The following LRRTM4 variants were observed in gnomAD, a reference collection of about 807,000 sequenced individuals.
LRRTM4 encodes the protein leucine rich repeat transmembrane neuronal 4.
LRRTM4 carries 25 observed loss-of-function variants against 47.6 expected under a neutral mutation model. The ratio of observed to expected loss-of-function variants is 0.53; its 90% CI spans 0.38 to 0.73. LRRTM4 has a LOEUF of 0.73. Among genes scored for constraint, LRRTM4 ranks in the 30% least tolerant of loss-of-function variants. LRRTM4 has a pLI of 0.00. For missense variants in LRRTM4, 638 were observed against 713.4 expected (o/e 0.89, Z 1.20); for synonymous variants, 311 against 269.5 (o/e 1.15, Z -1.51).
intron 3 of LRRTM4, among the ~76,000 whole-genome samples, chr2:76,843,319 C>T (rs1226294873): frequency 6.6e-6 from 1 of 152,034 alleles, no homozygotes; most frequent in Non-Finnish European, 1.5e-5. Context: ...ATGTATATTC[C>T]AAAAATATTT....
At chr2:76,838,948 T>G (rs1210441981) in intron 3 of LRRTM4, among the ~76,000 whole-genome samples, 1 of 152,144 alleles carries the variant, frequency 6.6e-6, no homozygotes, top group Non-Finnish European at 1.5e-5. Flanking sequence ...CATAATAATT[T>G]TGTATTTACT....
intron 3 of LRRTM4, among the ~76,000 whole-genome samples, chr2:77,443,837 G>A (rs1160423450): frequency 2.0e-5 from 3 of 152,034 alleles, no homozygotes; most frequent in Non-Finnish European, 4.4e-5. Context: ...TCACCAAACT[G>A]ATTTATATCT....
intron 3 of LRRTM4, among the ~76,000 whole-genome samples, chr2:77,292,553 T>C (rs1335492202): frequency 6.6e-6 from 1 of 151,954 alleles, no homozygotes; most frequent in East Asian, 1.9e-4. Context: ...TGTAGGGACA[T>C]GGATGAAATT....
At chr2:76,947,453 G>A (rs1226135699) in intron 3 of LRRTM4, among the ~76,000 whole-genome samples, 1 of 151,744 alleles carries the variant, frequency 6.6e-6, no homozygotes, top group Non-Finnish European at 1.5e-5. Flanking sequence ...AATAATGTGG[G>A]AATAATGAAT....
At position 77,273,443 on chromosome 2, in the gene LRRTM4, G is replaced by A. The variant is rs73943812; in HGVS notation, c.1551+244875C>T. ...TTAATGTAATTCTGTTTTTATTTTA[G>A]TATGAATTTAGCACAAGGAAGAGTA... On this transcript the variant is annotated intron_variant, in intron 3 of 3. Coordinates refer to ENST00000409884, the MANE Select transcript of LRRTM4 (RefSeq NM_001134745.3). 3.1e-3 allele frequency among the ~76,000 whole-genome samples: 465 copies of A among 152,010 alleles called. 2 individuals carry two copies. The highest frequency in any genetic ancestry group is 0.011 in the African/African-American group (441 of 41,486).
At chr2:76,752,284 G>T (rs1672876941) in intron 3 of LRRTM4, among the ~76,000 whole-genome samples, 1 of 152,084 alleles carries the variant, frequency 6.6e-6, no homozygotes, top group African/African-American at 2.4e-5. Context: ...AACTATAGTG[G>T]GAGATAACAA....
chr2:77,048,887 G>A (rs1234737826), intron 3 of LRRTM4, among the ~76,000 whole-genome samples: 1 of 151,236 alleles, frequency 6.6e-6, no homozygotes, highest in Admixed American at 6.6e-5. Context: ...CTGTAATTTA[G>A]TATCCTTTAA....
Position 77,307,026 on chromosome 2 carries a change from C to T in LRRTM4, c.1551+211292G>A, listed in dbSNP as rs187554409. ...ACCATTCTCCTGCCTCAGCCTCCCG[C>T]GTAGCTGGGACTACAGGCGCCCACC... On this transcript the variant is annotated intron_variant, in intron 3 of 3. Transcript: ENST00000409884. 2.0e-5 allele frequency among the ~76,000 whole-genome samples: 3 copies of T among 150,132 alleles called. No homozygotes were observed. In the South Asian group the frequency reaches 6.3e-4, roughly 32 times the overall value.
rs181829604 is a variant in LRRTM4 at position 76,970,369 on chromosome 2, T to C, written c.1552-221453A>G. The stretch of plus-strand genomic sequence containing the variant: ...TTCCCCTGGCATCCATGGCAACTAA[T>C]AGTACTGTGAATAGTGAAAAAATCA... On this transcript the variant is annotated intron_variant, in intron 3 of 3. Transcript: ENST00000409884. Among the ~76,000 whole-genome samples, 20 of 152,130 alleles carry C rather than the reference T, an allele frequency of 1.3e-4. No individual in the cohort carries two copies. The East Asian group carries it at 2.7e-3, about 21-fold the overall frequency.
intron 3 of LRRTM4, among the ~76,000 whole-genome samples, chr2:76,766,867 C>T (rs541096286): frequency 2.5e-4 from 38 of 152,064 alleles, no homozygotes; most frequent in African/African-American, 8.2e-4. Context: ...CCTGTTACCC[C>T]CAAGGAAAAA....
intron 3 of LRRTM4, among the ~76,000 whole-genome samples, chr2:77,436,885 T>A (rs1298939293): frequency 6.6e-6 from 1 of 151,924 alleles, no homozygotes; most frequent in Non-Finnish European, 1.5e-5. Flanking sequence ...AGATTTAATA[T>A]AACCCACAGT....
At chr2:77,459,563 T>C (rs1162761289) in intron 3 of LRRTM4, among the ~76,000 whole-genome samples, 1 of 151,960 alleles carries the variant, frequency 6.6e-6, no homozygotes, top group East Asian at 1.9e-4. Context: ...TACTATAAAA[T>C]ATTGGTCCCT....
At chr2:76,851,986 G>A (rs1231321689) in intron 3 of LRRTM4, among the ~76,000 whole-genome samples, 1 of 151,940 alleles carries the variant, frequency 6.6e-6, no homozygotes, top group Non-Finnish European at 1.5e-5. Flanking sequence ...TTTACATAAC[G>A]TTGAATCATA....
intron 3 of LRRTM4, among the ~76,000 whole-genome samples, chr2:77,405,180 T>C (rs886238061): frequency 2.0e-5 from 3 of 152,114 alleles, no homozygotes; most frequent in Non-Finnish European, 4.4e-5. Context: ...CTTCCACTTA[T>C]CAGTCTCACT....
chr2:76,989,064 G>A (rs1558781461), intron 3 of LRRTM4, among the ~76,000 whole-genome samples: 1 of 151,688 alleles, frequency 6.6e-6, no homozygotes, highest in Non-Finnish European at 1.5e-5. Context: ...CAATTTCAAT[G>A]CTTCTCAAAT....
intron 3 of LRRTM4, among the ~76,000 whole-genome samples, chr2:77,076,835 G>A (rs893562546): frequency 6.6e-6 from 1 of 152,166 alleles, no homozygotes; most frequent in Non-Finnish European, 1.5e-5. Context: ...AACAGAAACT[G>A]TGAGTGCTAC....
intron 3 of LRRTM4, among the ~76,000 whole-genome samples, chr2:77,410,810 T>C (rs75608348): frequency 0.016 from 2,441 of 152,296 alleles, 50 homozygotes; most frequent in African/African-American, 0.052. Flanking sequence ...CTCTGGAGGA[T>C]AGCCTGGGTC....
At chr2:77,465,773 T>C (rs949430440) in intron 3 of LRRTM4, among the ~76,000 whole-genome samples, 3 of 152,190 alleles carry the variant, frequency 2.0e-5, no homozygotes, top group Admixed American at 6.6e-5. Context: ...CAGAATACAA[T>C]GGTTGCAAAG....
chr2:77,201,487 T>C (rs1239235118), intron 3 of LRRTM4, among the ~76,000 whole-genome samples: 1 of 152,098 alleles, frequency 6.6e-6, no homozygotes, highest in Non-Finnish European at 1.5e-5. Flanking sequence ...TTAAAAACAA[T>C]AGTTTGGTTG....
Sources: gnomAD v4.1 joint callset for allele counts (sites outside exome capture counted in the v4.1 genomes callset) on GRCh38, gnomAD v4.1.1 for gene constraint, MANE v1.5 for transcripts, NCBI Gene and HGNC (gene_info 2026-07-23, HGNC 2026-07-21) for gene names.